BFSP1: variants seen among roughly 807,000 people sequenced by gnomAD.
BFSP1 encodes the protein filensin.
Under a neutral mutation model 43.9 loss-of-function variants are expected in BFSP1, and 38 were observed. That is an observed-to-expected ratio of 0.87 (90% CI 0.67 to 1.14). BFSP1 has a LOEUF of 1.14. Ranked by LOEUF, BFSP1 falls within the 50% of genes most tolerant of loss-of-function variation. The pLI is 0.00. For synonymous variants in BFSP1, 352 were observed against 354.8 expected, an observed-to-expected ratio of 0.99 and a Z score of 0.09; for missense variants, 850 against 875.1, an observed-to-expected ratio of 0.97 and a Z score of 0.36.
intron 1 of BFSP1, among the ~76,000 whole-genome samples, chr20:17,549,455 G>A (rs1325077274): frequency 6.6e-6 from 1 of 152,184 alleles, no homozygotes; most frequent in Non-Finnish European, 1.5e-5. Context: ...AGGAGCAAGA[G>A]AGAGAGTGGG....
At chr20:17,518,075 C>T (rs1005558356) in intron 2 of BFSP1, among the ~76,000 whole-genome samples, 12 of 152,190 alleles carry the variant, frequency 7.9e-5, no homozygotes, top group Non-Finnish European at 1.5e-4. Flanking sequence ...GCACCGGGCT[C>T]CTGCTGCCAC....
intron 1 of BFSP1, chr20:17,558,583 G>A (rs1191264244): frequency 1.1e-5 from 14 of 1,273,316 alleles, no homozygotes; most frequent in Admixed American, 7.4e-5. Context: ...TGTGCAACCC[G>A]CTTGCTGTAC....
intron 1 of BFSP1, among the ~76,000 whole-genome samples, chr20:17,556,639 C>A (rs1310317914): frequency 6.6e-6 from 1 of 151,734 alleles, no homozygotes; most frequent in Non-Finnish European, 1.5e-5. Context: ...ACATTTTAAA[C>A]CAGTAGTAGA....
intron 5 of BFSP1, 89 bp downstream of exon 5, chr20:17,508,800 C>T (rs1391950844): frequency 5.0e-6 from 6 of 1,210,438 alleles, no homozygotes; most frequent in African/African-American, 1.6e-5. Flanking sequence ...CGTGTGACAG[C>T]TCCTCAAGCT....
chr20:17,555,797 T>C (rs1030058535), intron 1 of BFSP1, among the ~76,000 whole-genome samples: 7 of 152,114 alleles, frequency 4.6e-5, no homozygotes, highest in African/African-American at 1.7e-4. Context: ...TCAAATACCA[T>C]CAAGATTTTT....
In BFSP1 at chr20:17,507,533, G is replaced by A. The variant is rs2033967909; in HGVS notation, c.735+1356C>T. On this transcript the variant is annotated intron_variant, in intron 5 of 7. Transcript: ENST00000377873. The surrounding 1 kb of genome is among the most constrained non-coding windows in gnomAD (Gnocchi z 4.4). ...GGTCTCTAGGACCACGACTGGGCTT[G>A]TATCCACGTCCCTATTCACATACAC... Among the ~76,000 whole-genome samples, 1 of 152,042 alleles carries A rather than the reference G, an allele frequency of 6.6e-6. No individual in the cohort carries two copies. Among genetic ancestry groups the A allele is most frequent in the East Asian group, 1.9e-4 (1 of 5,178 alleles).
chr20:17,541,759 T>A (rs543872051), intron 1 of BFSP1, among the ~76,000 whole-genome samples: 106 of 152,318 alleles, frequency 7.0e-4, no homozygotes, highest in African/African-American at 2.4e-3. Flanking sequence ...AAGTTGGATA[T>A]GGGTTGCTTA....
At chr20:17,495,095 T>C in intron 7 of BFSP1, 66 bp from the exon 8 acceptor site, 1 of 1,447,464 alleles carries the variant, frequency 6.9e-7, no homozygotes, top group South Asian at 1.3e-5. Flanking sequence ...AATACGCTGG[T>C]TGGAAAATAG....
chr20:17,510,965 T>G (rs1214835289), intron 4 of BFSP1, among the ~76,000 whole-genome samples: 1 of 151,156 alleles, frequency 6.6e-6, no homozygotes, highest in African/African-American at 2.4e-5. Flanking sequence ...GTTTGTGGGG[T>G]TTTTTTGCTT....
At chr20:17,550,055 G>A (rs1240982040) in intron 1 of BFSP1, among the ~76,000 whole-genome samples, 2 of 152,112 alleles carry the variant, frequency 1.3e-5, no homozygotes, top group African/African-American at 2.4e-5. Context: ...TCCAGGCCAT[G>A]AGGTAGTACC....
intron 6 of BFSP1, among the ~76,000 whole-genome samples, chr20:17,498,495 A>C (rs1178002632): frequency 6.6e-6 from 1 of 152,128 alleles, no homozygotes; most frequent in Non-Finnish European, 1.5e-5. Context: ...ACCTGCTGGG[A>C]CACTTATGTC....
intron 5 of BFSP1, among the ~76,000 whole-genome samples, chr20:17,500,679 T>C (rs1356750327): frequency 3.3e-5 from 5 of 152,198 alleles, no homozygotes; most frequent in Non-Finnish European, 7.3e-5. Context: ...GGTAAGACAG[T>C]GACGCCGCAT....
At position 17,508,907 on chromosome 20, in the gene BFSP1, T is replaced by C. The variant is rs2034007839; in HGVS notation, c.717A>G (p.Arg239=). Residue 239 remains arginine, a synonymous_variant, in exon 5 of 8, where the codon AGA becomes AGG. Coordinates refer to ENST00000377873, the MANE Select transcript of BFSP1 (RefSeq NM_001195.5). ...REVLSHLQAQ[R]VELQAQTTTL... The stretch of plus-strand genomic sequence containing the variant: ...AGCGTACCTGTGCCTGCAGCTCCAC[T>C]CTCTGCGCCTGCAGGTGGGAGAGCA... The C allele has an allele frequency of 6.2e-7, 1 of 1,601,992 alleles. No individual in the cohort carries two copies. The highest frequency in any genetic ancestry group is 2.3e-5 in the East Asian group (1 of 44,118).
intron 1 of BFSP1, among the ~76,000 whole-genome samples, chr20:17,547,921 T>G (rs6044875): frequency 1.2e-5 from 1 of 86,228 alleles, no homozygotes; most frequent in Non-Finnish European, 2.5e-5. Context: ...TTTTTTTTTG[T>G]ATTTTTAGTA....
chr20:17,512,171 A>G (rs2034099102), intron 3 of BFSP1, 103 bp from the exon 4 acceptor site: 1 of 874,934 alleles, frequency 1.1e-6, no homozygotes, highest in Non-Finnish European at 1.8e-6. Flanking sequence ...ACGCTCCCTC[A>G]TCACAGACAG....
At chr20:17,497,588 ATATACG>A (rs1174812604) in intron 6 of BFSP1, among the ~76,000 whole-genome samples, 2 of 86,800 alleles carry the variant, frequency 2.3e-5, no homozygotes, top group Non-Finnish European at 4.3e-5. Flanking sequence ...ATACGTATAT[ATATACG>A]TGTATATATA....
intron 2 of BFSP1, among the ~76,000 whole-genome samples, chr20:17,519,220 A>G (rs896747283): frequency 6.6e-6 from 1 of 152,226 alleles, no homozygotes. Flanking sequence ...AAGGAATCAA[A>G]CATTACAAAT....
At chr20:17,495,064 T>C in intron 7 of BFSP1, 35 bp from the exon 8 acceptor site, 1 of 1,554,914 alleles carries the variant, frequency 6.4e-7, no homozygotes, top group Non-Finnish European at 8.7e-7. Flanking sequence ...TCAAGTATAA[T>C]TGTCACTGAG....
At chr20:17,509,865 T>C (rs1273966706) in intron 4 of BFSP1, among the ~76,000 whole-genome samples, 1 of 152,172 alleles carries the variant, frequency 6.6e-6, no homozygotes, top group African/African-American at 2.4e-5. Context: ...TTCAAAAATA[T>C]TCAAATTGTT....
Sources: allele counts gnomAD v4.1 joint callset (sites outside exome capture counted in the v4.1 genomes callset), GRCh38; gene constraint gnomAD v4.1.1; non-coding constraint Gnocchi (gnomAD v3.1); transcripts MANE v1.5; gene names NCBI Gene and HGNC (gene_info 2026-07-23, HGNC 2026-07-21).